IGSF9B: variants seen among roughly 807,000 people sequenced by gnomAD.
The protein encoded by IGSF9B is immunoglobulin superfamily member 9B.
IGSF9B carries 48 observed loss-of-function variants against 143.7 expected under a neutral mutation model. The ratio of observed to expected loss-of-function variants is 0.33; its 90% CI spans 0.26 to 0.42. IGSF9B has a LOEUF of 0.42. Ranked by LOEUF, IGSF9B falls within the 20% of genes least tolerant of loss-of-function variation. IGSF9B has a pLI of 1.00. For synonymous variants in IGSF9B, 903 were observed against 833.1 expected (o/e 1.08, Z -1.44); for missense variants, 1,706 against 1,980.0 (o/e 0.86, Z 2.63).
In IGSF9B at chr11:133,920,462, G is replaced by A. The variant is rs1377936363; in HGVS notation, c.3263C>T (p.Pro1088Leu). 3 of 1,565,792 alleles carry A rather than the reference G, an allele frequency of 1.9e-6. No homozygotes were observed. The highest frequency in any genetic ancestry group is 2.6e-6 in the Non-Finnish European group (3 of 1,155,564). ...AGACAGGATGCCCGGGTAGGCCGCG[G>A]GCACCTGCAGGGAGGTGGGGGGCAG... ...RGLPPTSLQV[P>L]AAYPGILSLE... The change falls in exon 18 of 20, where the codon CCC becomes CTC. Residue 1088 changes from proline (P) to leucine (L), a missense_variant. Physicochemically the swap from Pro to Leu is moderately conservative, Grantham distance 98. Transcript: ENST00000533871.
intron 18 of IGSF9B, chr11:133,919,118 C>CGGGGGAGGGGG: frequency 1.5e-5 from 1 of 66,602 alleles, no homozygotes; most frequent in Admixed American, 1.9e-4. Context: ...GCGAGGTATA[C>CGGGGGAGGGGG]GGGGGGGGGG....
At position 133,920,111 on chromosome 11, in the gene IGSF9B, G is replaced by A. The variant is rs753853487; in HGVS notation, c.3614C>T (p.Thr1205Ile). ...GGTGCGGGAGCTGAGGGGGCTTTGG[G>A]TCAGAGGTGAGAGCCGGGAGGGCTG... ...VLQPSRLSPL[T>I]QSPLSSRTGS... Residue 1205 changes from threonine (T) to isoleucine (I), a missense_variant, in exon 18 of 20, where the codon ACC (threonine) becomes ATC (isoleucine). By Grantham distance (89) the Thr-to-Ile change is moderately conservative. This residue lies in a region of IGSF9B where 880 missense variants were observed against 762.9 expected (regional missense o/e 1.15). Transcript: ENST00000533871. 7 of 1,517,128 alleles carry A rather than the reference G, an allele frequency of 4.6e-6. No homozygotes were observed. Among genetic ancestry groups the A allele is most frequent in the African/African-American group, 1.4e-5 (1 of 71,608 alleles). The allele number at this position is 1,517,128 out of a possible 1,614,324, so 94.0% of individuals were successfully genotyped here. A position where few individuals can be genotyped will look rare whatever the true frequency, so the allele number is the denominator to read the frequency against.
Position 133,919,742 on chromosome 11 carries a change from C to T in IGSF9B, c.3983G>A (p.Gly1328Glu), listed in dbSNP as rs1459987230. The change falls in exon 18 of 20, where the codon GGA becomes GAA. Residue 1328 changes from glycine to glutamate, a missense_variant and splice_region_variant. Physicochemically the swap from Gly to Glu is moderately conservative, Grantham distance 98 (BLOSUM62 -2). Around this residue, in one of 7 missense-constraint regions of IGSF9B, gnomAD observed 880 missense variants for 762.9 expected, o/e 1.15. Coordinates refer to ENST00000533871, the MANE Select transcript of IGSF9B (RefSeq NM_001277285.4). Reference sequence around the variant, plus strand: ...GTGGCGGAAGAGGCGGCGCACTCACCCTGAAGTAGGTAACGTGGGTGGTGG... The same window carrying T: ...GTGGCGGAAGAGGCGGCGCACTCACTCTGAAGTAGGTAACGTGGGTGGTGG... Reference protein sequence around the residue: ...ETPPPTLPTSGTLPPAPGNAA... With the variant: ...ETPPPTLPTSETLPPAPGNAA... 6.9e-7 allele frequency: 1 copy of T among 1,447,636 alleles called. No individual in the cohort carries two copies. The highest frequency in any genetic ancestry group is 1.6e-5 in the South Asian group (1 of 61,638). The allele number at this position is 1,447,636 out of a possible 1,614,324, so 89.7% of individuals were successfully genotyped here.
Position 133,948,231 on chromosome 11 carries a change from T to C in IGSF9B, c.65-1973A>G, listed in dbSNP as rs953803507. Among the ~76,000 whole-genome samples, 14 of 152,000 alleles carry C rather than the reference T, an allele frequency of 9.2e-5. No individual in the cohort carries two copies. The highest frequency in any genetic ancestry group is 3.4e-4 in the African/African-American group (14 of 41,356). The stretch of plus-strand genomic sequence containing the variant: ...TGTATGTCATCTCTGTGTGTCTTGT[T>C]CTCCCCCTCCCCCTCCCCTGCAAGT... On this transcript the variant is annotated intron_variant, in intron 1 of 19. Coordinates refer to ENST00000533871, the MANE Select transcript of IGSF9B (RefSeq NM_001277285.4). This position sits in a 1 kb window ranked among gnomAD's most constrained non-coding sequence, Gnocchi z 4.7.
Position 133,920,036 on chromosome 11 carries a change from T to C in IGSF9B, c.3689A>G (p.Gln1230Arg). The change falls in exon 18 of 20, where the codon CAG (glutamine) becomes CGG (arginine). Residue 1230 changes from glutamine (Q) to arginine (R), a missense_variant. This residue lies in a region of IGSF9B where 880 missense variants were observed against 762.9 expected (regional missense o/e 1.15). Transcript: ENST00000533871. ...ARARPRPGLL[Q>R]QAEMSEITLQ... ...GGTGATCTCTGACATCTCTGCCTGC[T>C]GCAGGAGGCCCGGGCGAGGCCGGGC... is the stretch of plus-strand genomic sequence containing the variant. 3 of 1,574,748 alleles carry C rather than the reference T, an allele frequency of 1.9e-6. No individual in the cohort carries two copies. The South Asian group carries it at 3.5e-5, about 18-fold the overall frequency.
In IGSF9B at chr11:133,902,423, C is replaced by T. The variant is rs569398348; in HGVS notation, c.*6646G>A. ...CACAACACATACCACACACAATACA[C>T]ACACCACACCACACACACCACCCAG... On this transcript the variant is annotated 3_prime_UTR_variant, in exon 20 of 20. Transcript: ENST00000533871. Among the ~76,000 whole-genome samples, 32 of 80,408 alleles carry T rather than the reference C, an allele frequency of 4.0e-4. 2 individuals carry two copies. In the East Asian group the frequency reaches 0.018, roughly 45 times the overall value. The allele number at this position is 80,408 out of a possible 152,430, so 52.8% of individuals were successfully genotyped here. A position where few individuals can be genotyped will look rare whatever the true frequency, so the allele number is the denominator to read the frequency against.
chr11:133,935,541 C>T (rs1239886865), intron 7 of IGSF9B, 76 bp downstream of exon 7: 2 of 1,460,028 alleles, frequency 1.4e-6, no homozygotes, highest in Non-Finnish European at 1.8e-6. Flanking sequence ...CTTTGCTACC[C>T]TCCAGCCTAC....
chr11:133,916,315 G>A (rs985897167), intron 18 of IGSF9B, among the ~76,000 whole-genome samples: 1 of 152,172 alleles, frequency 6.6e-6, no homozygotes, highest in African/African-American at 2.4e-5. Context: ...AACTACATAT[G>A]GACCAAAGGA....
chr11:133,924,833 G>A lies in IGSF9B; in HGVS notation c.2106C>T (p.Gly702=), dbSNP rs375656636. 4.0e-5 allele frequency: 65 copies of A among 1,613,580 alleles called. No individual in the cohort carries two copies. The highest frequency in any genetic ancestry group is 2.9e-4 in the East Asian group (13 of 44,890). ...AACCCAAAATACCTGTGCTGGAGAC[G>A]CCGGCGATGTTGCTGGGCTCGCTGA... ...DLISEPSNIA[G]VSSTDIFPQP... is the part of the protein sequence containing the mutation. Residue 702 remains glycine, a synonymous_variant, in exon 15 of 20, where the codon GGC becomes GGT. Coordinates refer to ENST00000533871, the MANE Select transcript of IGSF9B (RefSeq NM_001277285.4).
intron 18 of IGSF9B, among the ~76,000 whole-genome samples, chr11:133,918,407 G>C (rs1430610184): frequency 6.6e-6 from 1 of 152,136 alleles, no homozygotes; most frequent in Non-Finnish European, 1.5e-5. Flanking sequence ...CCGGACAGGC[G>C]AGGCCGGAGC....
rs1940002810 is a variant in IGSF9B, at chr11:133,944,270, T to C, written c.359A>G (p.Gln120Arg). Residue 120 changes from glutamine (Q) to arginine (R), a missense_variant, in exon 3 of 20, where the codon CAG becomes CGG. Coordinates refer to ENST00000533871, the MANE Select transcript of IGSF9B (RefSeq NM_001277285.4). ...WYECKVLMLD[Q>R]QYDTFHNGSW... is the part of the protein sequence containing the mutation. ...GCCATTGTGGAAGGTGTCATACTGCTGGTCCAGCATGAGCACTTTGCACTC... is the reference window on the plus strand; with the variant it reads ...GCCATTGTGGAAGGTGTCATACTGCCGGTCCAGCATGAGCACTTTGCACTC... The C allele has an allele frequency of 6.2e-7, 1 of 1,613,668 alleles. No homozygotes were observed. The highest frequency in any genetic ancestry group is 8.5e-7 in the Non-Finnish European group (1 of 1,179,804).
At chr11:133,918,034 C>A (rs1390339108) in intron 18 of IGSF9B, among the ~76,000 whole-genome samples, 1 of 73,010 alleles carries the variant, frequency 1.4e-5, no homozygotes, top group African/African-American at 5.8e-5. Context: ...CTAGAGGGGC[C>A]GGACATGGGG....
chr11:133,932,264 G>C, intron 7 of IGSF9B, 51 bp from the exon 8 acceptor site: 1 of 1,515,212 alleles, frequency 6.6e-7, no homozygotes, highest in Non-Finnish European at 8.9e-7. Flanking sequence ...CACAGGGACA[G>C]ACAGACAGAC....
rs572903962 is a variant in IGSF9B at position 133,937,173 on chromosome 11, G to T, written c.679+203C>A. 9.9e-4 allele frequency among the ~76,000 whole-genome samples: 150 copies of T among 152,240 alleles called. 1 individual carries two copies. The highest frequency in any genetic ancestry group is 4.2e-4 in the South Asian group (2 of 4,818). ...ATGTGGTGCCTGGCCACGGCCTGTGGGCCTGGCCCTCTCCCAGGCAGCCGG... is the reference window on the plus strand; with the variant it reads ...ATGTGGTGCCTGGCCACGGCCTGTGTGCCTGGCCCTCTCCCAGGCAGCCGG... On this transcript the variant is annotated intron_variant, in intron 5 of 19. Coordinates refer to ENST00000533871, the MANE Select transcript of IGSF9B (RefSeq NM_001277285.4).
In IGSF9B at chr11:133,929,960, T is replaced by C. The variant is rs1047805691; in HGVS notation, c.1520-178A>G. ...CAGGCGCCGACTCCCCTGACCCTGC[T>C]TGTTAGTGGGGTTGGAGCAGGAAGC... is the stretch of plus-strand genomic sequence containing the variant. On this transcript the variant is annotated intron_variant, in intron 11 of 19. Coordinates refer to ENST00000533871, the MANE Select transcript of IGSF9B (RefSeq NM_001277285.4). 3.7e-4 allele frequency among the ~76,000 whole-genome samples: 57 copies of C among 152,124 alleles called. 3 individuals are homozygous for C. The highest frequency in any genetic ancestry group is 4.8e-5 in the African/African-American group (2 of 41,420).
intron 11 of IGSF9B, 89 bp downstream of exon 11, chr11:133,930,895 C>T: frequency 1.5e-6 from 2 of 1,331,344 alleles, no homozygotes; most frequent in Non-Finnish European, 2.0e-6. Context: ...GTGCAGCGGC[C>T]ACCAGGGGAC....
rs1023918568 is a variant in IGSF9B, at chr11:133,918,159, G to A, written c.3983+1583C>T. ...CAGCGGCCACCCCACGGGGCGGTGA[G>A]GGGACATGGTTTGGATCCCCTGTCC... On this transcript the variant is annotated intron_variant, in intron 18 of 19. Coordinates refer to ENST00000533871, the MANE Select transcript of IGSF9B (RefSeq NM_001277285.4). Among the ~76,000 whole-genome samples the A allele has an allele frequency of 1.4e-4, 22 of 152,076 alleles. 1 individual carries two copies. Among genetic ancestry groups the A allele is most frequent in the Admixed American group, 1.2e-3 (18 of 15,284 alleles).
intron 1 of IGSF9B, 179 bp from the exon 2 acceptor site, chr11:133,946,437 A>C (rs1591725423): frequency 1.6e-6 from 1 of 606,542 alleles, no homozygotes; most frequent in East Asian, 2.8e-5. Context: ...CGCTGCTCAT[A>C]CCTCCCTCTG....
rs201337434 is a variant in IGSF9B at position 133,920,290 on chromosome 11, A to C, written c.3435T>G (p.Pro1145=). 1.3e-3 allele frequency: 2,061 copies of C among 1,539,820 alleles called. 1 individual carries two copies. The highest frequency in any genetic ancestry group is 1.6e-3 in the Non-Finnish European group (1,838 of 1,142,874). ...LRHTSQGMGI[P]VLPYPEPAEP... is the part of the protein sequence containing the mutation. ...CAGCCGGCTCGGGGTAAGGCAGCAC[A>C]GGTATGCCCATGCCTTGGCTTGTAT... is the stretch of plus-strand genomic sequence containing the variant. Residue 1145 remains proline, a synonymous_variant, in exon 18 of 20, where the codon CCT becomes CCG. Coordinates refer to ENST00000533871, the MANE Select transcript of IGSF9B (RefSeq NM_001277285.4).
Sources: gnomAD v4.1 joint callset for allele counts (sites outside exome capture counted in the v4.1 genomes callset) on GRCh38, gnomAD v4.1.1 for gene constraint, gnomAD v4.1.1 regional missense constraint, Gnocchi (gnomAD v3.1) non-coding constraint, MANE v1.5 for transcripts, NCBI Gene and HGNC (gene_info 2026-07-23, HGNC 2026-07-21) for gene names.